Variants in DYRK1A observed in about 807,000 individuals in gnomAD.
The protein encoded by DYRK1A is dual specificity tyrosine-phosphorylation-regulated kinase 1A.
DYRK1A carries 9 observed loss-of-function variants against 79.7 expected under a neutral mutation model. That is an observed-to-expected ratio of 0.11 (90% CI 0.07 to 0.20). DYRK1A has a LOEUF of 0.20. DYRK1A is among the 10% of genes least tolerant of loss of function. The pLI is 1.00. For missense variants in DYRK1A, 622 were observed against 956.0 expected (o/e 0.65, Z 4.61); for synonymous variants, 349 against 329.7 (o/e 1.06, Z -0.63).
chr21:37,407,274 A>C (rs1415316841), intron 1 of DYRK1A, among the ~76,000 whole-genome samples: 1 of 152,174 alleles, frequency 6.6e-6, no homozygotes, highest in Non-Finnish European at 1.5e-5. Flanking sequence ...AGGTAATTTT[A>C]TACAATATTT....
chr21:37,454,102 T>TTTTTTTC (rs2051553782), intron 2 of DYRK1A, among the ~76,000 whole-genome samples: 1 of 140,114 alleles, frequency 7.1e-6, no homozygotes, highest in Non-Finnish European at 1.5e-5. Flanking sequence ...TTTTTTTTTT[T>TTTTTTTC]TTTTTTTTGA....
At chr21:37,456,737 C>T (rs969403064) in intron 2 of DYRK1A, among the ~76,000 whole-genome samples, 6 of 152,186 alleles carry the variant, frequency 3.9e-5, no homozygotes, top group Admixed American at 2.6e-4. Context: ...TGCTTAGGGC[C>T]GTGGTGGAGT....
chr21:37,380,257 G>A (rs757092634), intron 1 of DYRK1A, among the ~76,000 whole-genome samples: 59 of 152,140 alleles, frequency 3.9e-4, no homozygotes, highest in Non-Finnish European at 7.3e-4. Context: ...TACCACAGTG[G>A]TGTTTTTTAC....
intron 1 of DYRK1A, among the ~76,000 whole-genome samples, chr21:37,409,669 C>A (rs1430396719): frequency 6.6e-6 from 1 of 152,050 alleles, no homozygotes; most frequent in Non-Finnish European, 1.5e-5. Flanking sequence ...AATTGCGATA[C>A]ATTGAGAAGT....
chr21:37,465,939 G>C (rs1282335284), intron 2 of DYRK1A, among the ~76,000 whole-genome samples: 1 of 152,182 alleles, frequency 6.6e-6, no homozygotes, highest in Non-Finnish European at 1.5e-5. Flanking sequence ...AGTCCAAGAA[G>C]TGCTGTTACA....
intron 2 of DYRK1A, among the ~76,000 whole-genome samples, chr21:37,446,320 G>A (rs1408766712): frequency 1.3e-5 from 2 of 152,108 alleles, no homozygotes; most frequent in Non-Finnish European, 2.9e-5. Flanking sequence ...TTTCTAGAAT[G>A]CATTGAACTA....
At chr21:37,461,947 T>G (rs1025671007) in intron 2 of DYRK1A, among the ~76,000 whole-genome samples, 4 of 152,044 alleles carry the variant, frequency 2.6e-5, no homozygotes, top group African/African-American at 9.7e-5. Flanking sequence ...TTCTGCGGTG[T>G]CTGAACTGCT....
chr21:37,414,013 G>C (rs1445096563), intron 1 of DYRK1A, among the ~76,000 whole-genome samples: 4 of 152,060 alleles, frequency 2.6e-5, no homozygotes. Context: ...TTGCAGTGGA[G>C]TACTGTGCAC....
intron 2 of DYRK1A, among the ~76,000 whole-genome samples, chr21:37,465,251 C>A (rs1236473474): frequency 6.6e-6 from 1 of 152,178 alleles, no homozygotes; most frequent in East Asian, 1.9e-4. Flanking sequence ...CTTGCCAATT[C>A]ACATTCAGAT....
chr21:37,506,145 G>T lies in DYRK1A; in HGVS notation c.1566G>T (p.Pro522=). The T allele has an allele frequency of 6.2e-7, 1 of 1,614,038 alleles. No individual in the cohort carries two copies. Among genetic ancestry groups the T allele is most frequent in the Non-Finnish European group, 8.5e-7 (1 of 1,179,890 alleles). The change falls in exon 11 of 12, where the codon CCG becomes CCT. Residue 522 remains proline, a synonymous_variant. Transcript: ENST00000647188. ...ACAGTGGGAGAGCCCGGTCGGATCC[G>T]ACGCACCAGCATCGGCACAGTGGTG... ...TSNSGRARSD[P]THQHRHSGGH... is the part of the protein sequence containing the mutation.
intron 2 of DYRK1A, among the ~76,000 whole-genome samples, chr21:37,426,212 TC>T (rs1463244491): frequency 2.0e-5 from 3 of 152,172 alleles, no homozygotes; most frequent in African/African-American, 7.2e-5. Context: ...TATTTTGGGA[TC>T]CTTCATGAAA....
At position 37,515,023 on chromosome 21, in the gene DYRK1A, T is replaced by C. The variant is rs1383480891; in HGVS notation, c.*2492T>C. On this transcript the variant is annotated 3_prime_UTR_variant, in exon 12 of 12. Transcript: ENST00000647188. ...ACAGGACTTCTGTGCATTGTAAACA[T>C]AAACAGCATGGAAAAGGTTAAATAC... The C allele has an allele frequency of 6.6e-6, 1 of 152,662 alleles. No homozygotes were observed. Among genetic ancestry groups the C allele is most frequent in the African/African-American group, 2.4e-5 (1 of 41,460 alleles). The allele number at this position is 152,662 out of a possible 1,614,324, so 9.5% of individuals were successfully genotyped here. A position where few individuals can be genotyped will look rare whatever the true frequency, so the allele number is the denominator to read the frequency against.
chr21:37,380,283 A>G (rs1240178808), intron 1 of DYRK1A, among the ~76,000 whole-genome samples: 1 of 152,228 alleles, frequency 6.6e-6, no homozygotes, highest in African/African-American at 2.4e-5. Flanking sequence ...CTTTACATCA[A>G]ATGTTCGTTA....
intron 1 of DYRK1A, among the ~76,000 whole-genome samples, chr21:37,406,236 G>A (rs938774270): frequency 6.6e-6 from 1 of 152,116 alleles, no homozygotes; most frequent in Admixed American, 6.6e-5. Context: ...GGTTACTACA[G>A]AGTGTTTACT....
intron 1 of DYRK1A, among the ~76,000 whole-genome samples, chr21:37,401,145 A>G (rs2050045188): frequency 6.6e-6 from 1 of 151,954 alleles, no homozygotes. Flanking sequence ...TTCTGTCTCA[A>G]AAAAAAAGGA....
chr21:37,402,586 AT>A (rs2050073244), intron 1 of DYRK1A, among the ~76,000 whole-genome samples: 1 of 152,048 alleles, frequency 6.6e-6, no homozygotes, highest in Admixed American at 6.6e-5. Context: ...TATGGTTATC[AT>A]TTGAAAGATT....
At position 37,506,287 on chromosome 21, in the gene DYRK1A, T is replaced by G. The variant is rs192365148; in HGVS notation, c.1644+64T>G. ...CATTCTCAGGTGGAGCAGCACTGGATGCCAGGTGCCTTTAGAATGACCGTA... is the reference window on the plus strand; with the variant it reads ...CATTCTCAGGTGGAGCAGCACTGGAGGCCAGGTGCCTTTAGAATGACCGTA... On this transcript the variant is annotated intron_variant, in intron 11 of 11. Transcript: ENST00000647188. 4.2e-4 allele frequency: 683 copies of G among 1,613,274 alleles called. 4 individuals are homozygous for G. In the African/African-American group the frequency reaches 7.8e-3, roughly 19 times the overall value.
At chr21:37,378,693 T>C (rs981329701) in intron 1 of DYRK1A, among the ~76,000 whole-genome samples, 3 of 152,136 alleles carry the variant, frequency 2.0e-5, no homozygotes, top group Non-Finnish European at 2.9e-5. Context: ...GAGATATGAG[T>C]CGTGGTAGAA....
At chr21:37,488,262 C>T (rs1226315588) in intron 6 of DYRK1A, 6 of 807,950 alleles carry the variant, frequency 7.4e-6, no homozygotes, top group Non-Finnish European at 9.0e-6. Context: ...GAATGCATAA[C>T]GTCTCAAGAA....
Sources: allele counts gnomAD v4.1 joint callset (sites outside exome capture counted in the v4.1 genomes callset), GRCh38; gene constraint gnomAD v4.1.1; transcripts MANE v1.5; gene names NCBI Gene and HGNC (gene_info 2026-07-23, HGNC 2026-07-21).